GALNT18: variants seen among roughly 807,000 people sequenced by gnomAD.
The protein encoded by GALNT18 is GalNAc-transferase 18.
Under a neutral mutation model 69.5 loss-of-function variants are expected in GALNT18, and 44 were observed. The observed-to-expected ratio is 0.63, with a 90% CI of 0.50 to 0.81. The LOEUF is 0.81. GALNT18 is among the 40% of genes least tolerant of loss of function. GALNT18 has a pLI of 0.00. For missense variants in GALNT18, 715 were observed against 810.0 expected (o/e 0.88, Z 1.42); for synonymous variants, 364 against 318.2 (o/e 1.14, Z -1.53).
chr11:11,442,577 G>C (rs1388992145), intron 2 of GALNT18, among the ~76,000 whole-genome samples: 1 of 152,108 alleles, frequency 6.6e-6, no homozygotes, highest in African/African-American at 2.4e-5. Flanking sequence ...CCTGCTCCCA[G>C]GAAGACCAGT....
chr11:11,312,835 G>A (rs1849692688), intron 9 of GALNT18, among the ~76,000 whole-genome samples: 1 of 152,178 alleles, frequency 6.6e-6, no homozygotes, highest in Non-Finnish European at 1.5e-5. Context: ...GGAAACAGAG[G>A]TGCATTGAGT....
At chr11:11,352,287 C>G (rs771676450) in intron 6 of GALNT18, 2 of 1,613,940 alleles carry the variant, frequency 1.2e-6, no homozygotes, top group Non-Finnish European at 1.7e-6. Flanking sequence ...CCATCGCTTT[C>G]GAGAGTGTCT....
At chr11:11,300,756 A>G (rs7109095) in intron 9 of GALNT18, among the ~76,000 whole-genome samples, 10,991 of 152,220 alleles carry the variant, frequency 0.072, 468 homozygotes, top group African/African-American at 0.11. Context: ...AATCAAGCTA[A>G]GGCAGGGGTC....
intron 1 of GALNT18, among the ~76,000 whole-genome samples, chr11:11,507,591 G>A (rs538632056): frequency 1.2e-4 from 19 of 152,138 alleles, no homozygotes; most frequent in African/African-American, 3.1e-4. Context: ...AAAGATTAAA[G>A]TGTGAAATAT....
rs759092705 is a variant in GALNT18 at position 11,439,986 on chromosome 11, G to A, written c.429-7199C>T. 6.6e-6 allele frequency among the ~76,000 whole-genome samples: 1 copy of A among 152,170 alleles called. No homozygotes were observed. The highest frequency in any genetic ancestry group is 1.5e-5 in the Non-Finnish European group (1 of 68,032). On this transcript the variant is annotated intron_variant, in intron 2 of 10. Transcript: ENST00000227756. This position sits in a 1 kb window ranked among gnomAD's most constrained non-coding sequence, Gnocchi z 4.4. ...TATGGAAGAGACAATGGACATCTGC[G>A]AACTGGGAGTTCTGCAATGCAGGAG...
chr11:11,606,027 C>T lies in GALNT18; in HGVS notation c.235+15332G>A, dbSNP rs1310608545. Among the ~76,000 whole-genome samples, 1 of 152,200 alleles carries T rather than the reference C, an allele frequency of 6.6e-6. No individual in the cohort carries two copies. Among genetic ancestry groups the T allele is most frequent in the Non-Finnish European group, 1.5e-5 (1 of 68,042 alleles). On this transcript the variant is annotated intron_variant, in intron 1 of 10. Coordinates refer to ENST00000227756, the MANE Select transcript of GALNT18 (RefSeq NM_198516.3). This position sits in a 1 kb window ranked among gnomAD's most constrained non-coding sequence, Gnocchi z 5.4. ...GAAGCATGAGCGTTCCTGTCCCTGA[C>T]CCAAAAGCATAGCATAGAACAGCCT...
At chr11:11,293,533 C>CT (rs34166465) in intron 9 of GALNT18, among the ~76,000 whole-genome samples, 11,213 of 79,328 alleles carry the variant, frequency 0.14, 1,012 homozygotes, top group African/African-American at 0.15. Flanking sequence ...ACAAACCCCT[C>CT]TTTTTTTTTT....
At chr11:11,489,530 T>C (rs915076088) in intron 1 of GALNT18, among the ~76,000 whole-genome samples, 5 of 152,080 alleles carry the variant, frequency 3.3e-5, no homozygotes, top group Non-Finnish European at 7.4e-5. Context: ...GGCAGGTCGC[T>C]CCCTAGAGAG....
intron 1 of GALNT18, among the ~76,000 whole-genome samples, chr11:11,472,983 C>A (rs561656298): frequency 8.6e-5 from 13 of 151,974 alleles, no homozygotes; most frequent in African/African-American, 3.1e-4. Context: ...AAGAGTGAGA[C>A]CCTGTCTCAA....
intron 1 of GALNT18, among the ~76,000 whole-genome samples, chr11:11,576,044 G>C (rs972643524): frequency 2.6e-5 from 4 of 152,240 alleles, no homozygotes; most frequent in African/African-American, 9.6e-5. Context: ...CACATAGAAA[G>C]AGACAGAGCC....
rs1290234056 is a variant in GALNT18, at chr11:11,595,117, GT to G, written c.235+26241del. Among the ~76,000 whole-genome samples the G allele has an allele frequency of 1.3e-5, 2 of 151,762 alleles. No individual in the cohort carries two copies. The highest frequency in any genetic ancestry group is 4.8e-5 in the African/African-American group (2 of 41,290). ...TAAAATTTTGAGGAACTCCCAAAAT[GT>G]TTTCCAAAGTGATGGTACCATTTTA... On this transcript the variant is annotated intron_variant, in intron 1 of 10. Coordinates refer to ENST00000227756, the MANE Select transcript of GALNT18 (RefSeq NM_198516.3). This position sits in a 1 kb window ranked among gnomAD's most constrained non-coding sequence, Gnocchi z 5.2.
chr11:11,517,585 C>T (rs1313823658), intron 1 of GALNT18, among the ~76,000 whole-genome samples: 2 of 152,300 alleles, frequency 1.3e-5, no homozygotes, highest in East Asian at 1.9e-4. Context: ...CCCTGGCATC[C>T]CTGCTCTGGG....
chr11:11,490,960 C>T (rs1856758934), intron 1 of GALNT18, among the ~76,000 whole-genome samples: 1 of 152,212 alleles, frequency 6.6e-6, no homozygotes, highest in African/African-American at 2.4e-5. Context: ...CAAAGGTGGG[C>T]TCTGGAAGAT....
intron 3 of GALNT18, among the ~76,000 whole-genome samples, chr11:11,414,658 A>T (rs532877895): frequency 5.6e-4 from 85 of 151,924 alleles, no homozygotes; most frequent in African/African-American, 2.0e-3. Context: ...TAATAATTTC[A>T]TTTGTTTCTT....
At chr11:11,271,403 C>G (rs1848824683) in intron 10 of GALNT18, 113 bp from the exon 11 acceptor site, 2 of 1,088,254 alleles carry the variant, frequency 1.8e-6, no homozygotes, top group Non-Finnish European at 2.7e-6. Context: ...TGGCCAGATC[C>G]CAGGAGGTCA....
intron 3 of GALNT18, among the ~76,000 whole-genome samples, chr11:11,392,710 A>C (rs75429433): frequency 0.016 from 2,503 of 152,326 alleles, 72 homozygotes; most frequent in African/African-American, 0.056. Flanking sequence ...CATGGTGAAC[A>C]TGGGCTCACC....
At position 11,522,147 on chromosome 11, in the gene GALNT18, C is replaced by T. The variant is rs60678642; in HGVS notation, c.236-73211G>A. Among the ~76,000 whole-genome samples the T allele has an allele frequency of 8.3e-3, 1,258 of 152,250 alleles. 22 individuals carry two copies. The highest frequency in any genetic ancestry group is 0.029 in the African/African-American group (1,195 of 41,560). On this transcript the variant is annotated intron_variant, in intron 1 of 10. Transcript: ENST00000227756. ...TAGGAGGCCCCAGGCCTCTTCTATC[C>T]CAAGAATCCTCCCCCTGAGGTGCTA...
Position 11,500,991 on chromosome 11 carries a change from G to A in GALNT18, c.236-52055C>T, listed in dbSNP as rs1454344344. On this transcript the variant is annotated intron_variant, in intron 1 of 10. Transcript: ENST00000227756. The surrounding 1 kb of genome is among the most constrained non-coding windows in gnomAD (Gnocchi z 5.0). ...ACACCTGTCGCAGACTGGAAACTGG[G>A]CAGAACAGCAACTCCAAGGAGGCTG... is the stretch of plus-strand genomic sequence containing the variant. 1.3e-5 allele frequency among the ~76,000 whole-genome samples: 2 copies of A among 152,222 alleles called. No individual in the cohort carries two copies. Among genetic ancestry groups the A allele is most frequent in the African/African-American group, 4.8e-5 (2 of 41,454 alleles).
intron 1 of GALNT18, among the ~76,000 whole-genome samples, chr11:11,561,778 G>A (rs1858514025): frequency 6.6e-6 from 1 of 152,184 alleles, no homozygotes. Flanking sequence ...GCAGGGAGTG[G>A]CCCATTGGGC....
Sources: allele counts gnomAD v4.1 joint callset (sites outside exome capture counted in the v4.1 genomes callset), GRCh38; gene constraint gnomAD v4.1.1; non-coding constraint Gnocchi (gnomAD v3.1); transcripts MANE v1.5; gene names NCBI Gene and HGNC (gene_info 2026-07-23, HGNC 2026-07-21).